The following SMTNL2 variants were observed in gnomAD, a reference collection of about 807,000 sequenced individuals.
The protein encoded by SMTNL2 is smoothelin-like protein 2.
SMTNL2 carries 43 observed loss-of-function variants against 44.1 expected under a neutral mutation model. The ratio of observed to expected loss-of-function variants is 0.98; its 90% CI spans 0.76 to 1.26. The LOEUF is 1.26. SMTNL2 is among the 50% of genes most tolerant of loss of function. The probability of loss-of-function intolerance (pLI) is 0.00; values close to 1 mark genes in which losing one functional copy is unlikely to be tolerated. For missense variants in SMTNL2, 646 were observed against 670.2 expected (o/e 0.96, Z 0.40); for synonymous variants, 317 against 287.6 (o/e 1.10, Z -1.03).
At position 4,600,102 on chromosome 17, in the gene SMTNL2, G is replaced by C. The variant is rs546934429; in HGVS notation, c.1259+2779G>C. ...AGAGGCCTCCCCTCATGACTCATCC[G>C]TAAGATTATCTCCCAGGTACTAGGG... On this transcript the variant is annotated intron_variant, in intron 7 of 7. Coordinates refer to ENST00000389313, the MANE Select transcript of SMTNL2 (RefSeq NM_001114974.2). The surrounding 1 kb of genome is among the most constrained non-coding windows in gnomAD (Gnocchi z 4.7). Among the ~76,000 whole-genome samples the C allele has an allele frequency of 1.3e-5, 2 of 152,286 alleles. No individual in the cohort carries two copies. Among genetic ancestry groups the C allele is most frequent in the African/African-American group, 4.8e-5 (2 of 41,552 alleles).
At chr17:4,605,430 G>T (rs1910232152) in intron 7 of SMTNL2, among the ~76,000 whole-genome samples, 1 of 152,064 alleles carries the variant, frequency 6.6e-6, no homozygotes, top group South Asian at 2.1e-4. Flanking sequence ...CAAAGTGCTG[G>T]GATGACAGGC....
intron 7 of SMTNL2, among the ~76,000 whole-genome samples, chr17:4,604,558 C>A (rs781544669): frequency 6.6e-6 from 1 of 152,146 alleles, no homozygotes; most frequent in African/African-American, 2.4e-5. Context: ...CTTGCTCGCT[C>A]GCTGGGGTCT....
At position 4,607,275 on chromosome 17, in the gene SMTNL2, C is replaced by CCCGGGA; in HGVS notation, c.1260-82_1260-77dup. On this transcript the variant is annotated intron_variant, in intron 7 of 7. Transcript: ENST00000389313. This position sits in a 1 kb window ranked among gnomAD's most constrained non-coding sequence, Gnocchi z 4.7. ...CTCTGGCTGCCGGCTGAGCTCTGTT[C>CCCGGGA]CCGGGACCGAGACACCGGCCCTGTC... 1 of 1,586,162 alleles carries CCCGGGA rather than the reference C, an allele frequency of 6.3e-7. No homozygotes were observed. The highest frequency in any genetic ancestry group is 8.6e-7 in the Non-Finnish European group (1 of 1,164,410).
intron 5 of SMTNL2, among the ~76,000 whole-genome samples, 197 bp from the exon 6 acceptor site, chr17:4,596,663 G>A (rs188788576): frequency 6.6e-6 from 1 of 152,292 alleles, no homozygotes; most frequent in Admixed American, 6.5e-5. Context: ...AAAGGAGGCT[G>A]TGTCGCTGGT....
In SMTNL2 at chr17:4,607,281, A is replaced by AC; in HGVS notation, c.1260-78dup. The AC allele has an allele frequency of 6.3e-7, 1 of 1,590,016 alleles. No individual in the cohort carries two copies. The highest frequency in any genetic ancestry group is 8.6e-7 in the Non-Finnish European group (1 of 1,166,216). The stretch of plus-strand genomic sequence containing the variant: ...CTGCCGGCTGAGCTCTGTTCCCGGG[A>AC]CCGAGACACCGGCCCTGTCGCGGCT... On this transcript the variant is annotated intron_variant, in intron 7 of 7. Transcript: ENST00000389313. The surrounding 1 kb of genome is among the most constrained non-coding windows in gnomAD (Gnocchi z 4.7).
rs1461080021 is a variant in SMTNL2 at position 4,584,815 on chromosome 17, G to T, written c.210G>T (p.Leu70=). Residue 70 remains leucine (L), a synonymous_variant, in exon 1 of 8, where the codon CTG becomes CTT. Coordinates refer to ENST00000389313, the MANE Select transcript of SMTNL2 (RefSeq NM_001114974.2). ...ACCTGCAGCGGGACAACCAGCGGCTGCAGGCGCAGCTCGAGCGCCTGACGC... is the reference window on the plus strand; with the variant it reads ...ACCTGCAGCGGGACAACCAGCGGCTTCAGGCGCAGCTCGAGCGCCTGACGC... ...VADLQRDNQR[L]QAQLERLTRQ... is the part of the protein sequence containing the mutation. 2 of 1,326,958 alleles carry T rather than the reference G, an allele frequency of 1.5e-6. No homozygotes were observed. The highest frequency in any genetic ancestry group is 7.4e-5 in the Admixed American group (2 of 26,858). The allele number at this position is 1,326,958 out of a possible 1,614,324, so 82.2% of individuals were successfully genotyped here.
At chr17:4,594,322 G>GCA (rs1909711330) in intron 4 of SMTNL2, among the ~76,000 whole-genome samples, 2 of 152,068 alleles carry the variant, frequency 1.3e-5, no homozygotes, top group African/African-American at 4.8e-5. Context: ...GGTGGTGGGT[G>GCA]CCTGTAATCC....
At position 4,595,136 on chromosome 17, in the gene SMTNL2, T is replaced by C. The variant is rs560162740; in HGVS notation, c.807-9T>C. On this transcript the variant is annotated splice_polypyrimidine_tract_variant and intron_variant, in intron 4 of 7. Transcript: ENST00000389313. This position sits in a 1 kb window ranked among gnomAD's most constrained non-coding sequence, Gnocchi z 5.1. Reference sequence around the variant, plus strand: ...GGCCCAGGTCCCAACTCGGCGATTCTTTCCTCAGCCCACCGCTGGTGACAC... The same window carrying C: ...GGCCCAGGTCCCAACTCGGCGATTCCTTCCTCAGCCCACCGCTGGTGACAC... The C allele has an allele frequency of 1.2e-6, 2 of 1,613,088 alleles. No homozygotes were observed. Among genetic ancestry groups the C allele is most frequent in the South Asian group, 2.2e-5 (2 of 91,082 alleles).
At chr17:4,594,452 A>AAAATAAATAAAT (rs56017371) in intron 4 of SMTNL2, among the ~76,000 whole-genome samples, 278 of 149,320 alleles carry the variant, frequency 1.9e-3, no homozygotes, top group South Asian at 0.012. Context: ...CTATCTACAA[A>AAAATAAATAAAT]AAATAAATAA....
chr17:4,587,090 G>A (rs1909372094), intron 1 of SMTNL2, among the ~76,000 whole-genome samples: 1 of 152,200 alleles, frequency 6.6e-6, no homozygotes, highest in African/African-American at 2.4e-5. Context: ...GGACCTGAGT[G>A]CACTCTCAGC....
rs558706126 is a variant in SMTNL2 at position 4,589,742 on chromosome 17, C to T, written c.400-2619C>T. ...TCAGACCCTTTCCCCTGGCTTCGCT[C>T]AGGGCTAAAGTTACTGCGCTGTCTT... On this transcript the variant is annotated intron_variant, in intron 1 of 7. Transcript: ENST00000389313. Among the ~76,000 whole-genome samples, 46 of 152,144 alleles carry T rather than the reference C, an allele frequency of 3.0e-4. 1 individual carries two copies. In the South Asian group the frequency reaches 8.7e-3, roughly 29 times the overall value.
At position 4,600,043 on chromosome 17, in the gene SMTNL2, C is replaced by CG. The variant is rs1038433651; in HGVS notation, c.1259+2726dup. Among the ~76,000 whole-genome samples, 6 of 152,094 alleles carry CG rather than the reference C, an allele frequency of 3.9e-5. No individual in the cohort carries two copies. Among genetic ancestry groups the CG allele is most frequent in the Admixed American group, 1.3e-4 (2 of 15,262 alleles). On this transcript the variant is annotated intron_variant, in intron 7 of 7. Coordinates refer to ENST00000389313, the MANE Select transcript of SMTNL2 (RefSeq NM_001114974.2). This position sits in a 1 kb window ranked among gnomAD's most constrained non-coding sequence, Gnocchi z 4.7. ...AGGGGCGTCCACCGCAGGCCTGTGCCGGGGGGTCGGGGGAGTTTGCTCAGA... is the reference window on the plus strand; with the variant it reads ...AGGGGCGTCCACCGCAGGCCTGTGCCGGGGGGGTCGGGGGAGTTTGCTCAGA...
At position 4,595,270 on chromosome 17, in the gene SMTNL2, A is replaced by G. The variant is rs1909761178; in HGVS notation, c.932A>G (p.Glu311Gly). Residue 311 changes from glutamate (E) to glycine (G), a missense_variant, in exon 5 of 8, where the codon GAG becomes GGG. Physicochemically the swap from Glu to Gly is moderately conservative, Grantham distance 98. Coordinates refer to ENST00000389313, the MANE Select transcript of SMTNL2 (RefSeq NM_001114974.2). The surrounding 1 kb of genome is among the most constrained non-coding windows in gnomAD (Gnocchi z 5.1). Reference sequence around the variant, plus strand: ...TCGCAGACGCTGCCCCGCACCTCGGAGGCGCAGGCCCGGAAAGCATTGTTT... The same window carrying G: ...TCGCAGACGCTGCCCCGCACCTCGGGGGCGCAGGCCCGGAAAGCATTGTTT... ...VRSQTLPRTSEAQARKALFEK... is the reference protein window; with the variant it reads ...VRSQTLPRTSGAQARKALFEK... 2 of 1,613,086 alleles carry G rather than the reference A, an allele frequency of 1.2e-6. No homozygotes were observed. The highest frequency in any genetic ancestry group is 1.7e-5 in the Admixed American group (1 of 59,982).
rs757040141 is a variant in SMTNL2, at chr17:4,607,457, G to A, written c.1356G>A (p.Ser452=). Residue 452 remains serine (S), a synonymous_variant, in exon 8 of 8, where the codon TCG becomes TCA. Transcript: ENST00000389313. This position sits in a 1 kb window ranked among gnomAD's most constrained non-coding sequence, Gnocchi z 4.7. ...DPMCVFTYVQ[S]LYNHLRRFE ...TGTGTGTCTTCACCTACGTCCAGTCGCTGTACAACCACCTGCGTCGCTTCG... is the reference window on the plus strand; with the variant it reads ...TGTGTGTCTTCACCTACGTCCAGTCACTGTACAACCACCTGCGTCGCTTCG... 18 of 1,614,134 alleles carry A rather than the reference G, an allele frequency of 1.1e-5. No individual in the cohort carries two copies. In the South Asian group the frequency reaches 1.3e-4, roughly 12 times the overall value.
chr17:4,605,008 C>T (rs967378743), intron 7 of SMTNL2, among the ~76,000 whole-genome samples: 3 of 151,884 alleles, frequency 2.0e-5, no homozygotes, highest in Non-Finnish European at 2.9e-5. Flanking sequence ...GGGCACAGAA[C>T]AGTGAAGCAA....
upstream of SMTNL2, chr17:4,584,426 G>C (rs888998313): frequency 4.0e-5 from 23 of 568,886 alleles, no homozygotes; most frequent in African/African-American, 3.9e-4. Flanking sequence ...CTGGGCTCCA[G>C]GGCAGGGGGG....
chr17:4,606,128 T>G (rs1044668923), intron 7 of SMTNL2, among the ~76,000 whole-genome samples: 2 of 151,994 alleles, frequency 1.3e-5, no homozygotes, highest in Admixed American at 1.3e-4. Flanking sequence ...GCAATCTCTT[T>G]TTTTTTTTGA....
In SMTNL2 at chr17:4,598,850, T is replaced by C. The variant is rs1208703113; in HGVS notation, c.1259+1527T>C. 6.7e-6 allele frequency among the ~76,000 whole-genome samples: 1 copy of C among 149,266 alleles called. No individual in the cohort carries two copies. The highest frequency in any genetic ancestry group is 2.5e-5 in the African/African-American group (1 of 40,730). ...AAAAAAAAAAAAAAAGTGGTCCTCA[T>C]GGGCTTGTTGGGTTAAAGGAGCCTC... On this transcript the variant is annotated intron_variant, in intron 7 of 7. Coordinates refer to ENST00000389313, the MANE Select transcript of SMTNL2 (RefSeq NM_001114974.2). This position sits in a 1 kb window ranked among gnomAD's most constrained non-coding sequence, Gnocchi z 4.8.
chr17:4,607,420 A>G lies in SMTNL2; in HGVS notation c.1319A>G (p.Lys440Arg). ...GAGGACATGATGGTGATGGGCCGCA[A>G]GCCGGACCCCATGTGTGTCTTCACC... ...EVEDMMVMGRKPDPMCVFTYV... is the reference protein window; with the variant it reads ...EVEDMMVMGRRPDPMCVFTYV... The change falls in exon 8 of 8, where the codon AAG becomes AGG. Residue 440 changes from lysine (K) to arginine (R), a missense_variant. Coordinates refer to ENST00000389313, the MANE Select transcript of SMTNL2 (RefSeq NM_001114974.2). This position sits in a 1 kb window ranked among gnomAD's most constrained non-coding sequence, Gnocchi z 4.7. 6.2e-7 allele frequency: 1 copy of G among 1,614,202 alleles called. No individual in the cohort carries two copies. Among genetic ancestry groups the G allele is most frequent in the Non-Finnish European group, 8.5e-7 (1 of 1,180,038 alleles).
Sources: gnomAD v4.1 joint callset for allele counts (sites outside exome capture counted in the v4.1 genomes callset) on GRCh38, gnomAD v4.1.1 for gene constraint, Gnocchi (gnomAD v3.1) non-coding constraint, MANE v1.5 for transcripts, NCBI Gene and HGNC (gene_info 2026-07-23, HGNC 2026-07-21) for gene names.